The following GATAD2A variants were observed in gnomAD, a reference collection of about 807,000 sequenced individuals.
GATAD2A encodes the protein transcriptional repressor p66-alpha.
GATAD2A carries 12 observed loss-of-function variants against 68.5 expected under a neutral mutation model. That is an observed-to-expected ratio of 0.18 (90% CI 0.11 to 0.28). GATAD2A has a LOEUF of 0.28. Among genes scored for constraint, GATAD2A ranks in the 10% least tolerant of loss-of-function variants. GATAD2A has a pLI of 1.00. For synonymous variants in GATAD2A, 410 were observed against 375.3 expected, an observed-to-expected ratio of 1.09 and a Z score of -1.07; for missense variants, 755 against 868.5, an observed-to-expected ratio of 0.87 and a Z score of 1.64.
intron 2 of GATAD2A, 133 bp downstream of exon 2, chr19:19,465,747 C>T (rs112428605): frequency 0.011 from 11,500 of 1,050,436 alleles, 90 homozygotes; most frequent in Non-Finnish European, 0.011. Flanking sequence ...AGGCTCAGCT[C>T]GGGCATCACC....
At chr19:19,497,216 C>T (rs2060212540) in intron 7 of GATAD2A, among the ~76,000 whole-genome samples, 1 of 152,224 alleles carries the variant, frequency 6.6e-6, no homozygotes, top group African/African-American at 2.4e-5. Context: ...CTGCGTCAGC[C>T]TCCCAAGTAG....
At chr19:19,497,471 A>G (rs533896686) in intron 7 of GATAD2A, among the ~76,000 whole-genome samples, 3 of 152,158 alleles carry the variant, frequency 2.0e-5, no homozygotes, top group East Asian at 3.9e-4. Flanking sequence ...AGTGGCAGAG[A>G]AGGTGGTCTG....
intron 1 of GATAD2A, chr19:19,436,254 G>A (rs763401254): frequency 8.8e-7 from 1 of 1,131,856 alleles, no homozygotes; most frequent in Admixed American, 1.9e-5. Flanking sequence ...GTGGAAGGAA[G>A]GTTCCACGCA....
rs375719578 is a variant in GATAD2A at position 19,484,768 on chromosome 19, C to T, written c.270-7538C>T. The stretch of plus-strand genomic sequence containing the variant: ...CAGGATGGTCTCTATCTCGTGACCT[C>T]GTGATCCGCCCACCTCGGCCTCCCA... On this transcript the variant is annotated intron_variant, in intron 2 of 11. Coordinates refer to ENST00000683918, the MANE Select transcript of GATAD2A (RefSeq NM_001384528.1). Among the ~76,000 whole-genome samples, 10 of 152,154 alleles carry T rather than the reference C, an allele frequency of 6.6e-5. No homozygotes were observed. In the East Asian group the frequency reaches 7.7e-4, roughly 12 times the overall value.
intron 1 of GATAD2A, among the ~76,000 whole-genome samples, chr19:19,463,499 TGAGCAG>T (rs1034355111): frequency 6.7e-6 from 1 of 149,332 alleles, no homozygotes. Flanking sequence ...GAGGGGCAGC[TGAGCAG>T]GAGCGGGGGC....
At chr19:19,491,788 A>G (rs982028228) in intron 2 of GATAD2A, among the ~76,000 whole-genome samples, 1 of 152,154 alleles carries the variant, frequency 6.6e-6, no homozygotes, top group Non-Finnish European at 1.5e-5. Flanking sequence ...GGCCTGCCTG[A>G]GTGGAGAGAA....
upstream of GATAD2A, among the ~76,000 whole-genome samples, chr19:19,403,052 C>T (rs2049912428): frequency 6.6e-6 from 1 of 151,866 alleles, no homozygotes; most frequent in Non-Finnish European, 1.5e-5. Flanking sequence ...GGATTACAGA[C>T]GTGAGCCACT....
chr19:19,403,161 G>C (rs956660125), upstream of GATAD2A, among the ~76,000 whole-genome samples: 4 of 152,124 alleles, frequency 2.6e-5, no homozygotes, highest in African/African-American at 9.7e-5. Context: ...CTTAATTAGA[G>C]TTTCTTCAGC....
At chr19:19,462,417 C>G (rs1037005924) in intron 1 of GATAD2A, among the ~76,000 whole-genome samples, 1 of 152,230 alleles carries the variant, frequency 6.6e-6, no homozygotes, top group Non-Finnish European at 1.5e-5. Context: ...TCCAGCTGTG[C>G]CTGTCCTTCC....
chr19:19,506,124 G>A lies in GATAD2A; in HGVS notation c.*650G>A, dbSNP rs962743002. The A allele has an allele frequency of 2.3e-5, 9 of 398,876 alleles. No individual in the cohort carries two copies. The highest frequency in any genetic ancestry group is 1.3e-4 in the South Asian group (1 of 7,874). 24.7% of individuals were successfully genotyped at this position (398,876 alleles called of 1,614,324 possible). On this transcript the variant is annotated 3_prime_UTR_variant, in exon 12 of 12. Coordinates refer to ENST00000683918, the MANE Select transcript of GATAD2A (RefSeq NM_001384528.1). ...GCCACAGCCCCTGGCAGGGACGGCC[G>A]GCCCGCCCCCGTGACTGACTGACAG...
intron 1 of GATAD2A, among the ~76,000 whole-genome samples, chr19:19,455,726 G>A (rs997977296): frequency 2.0e-5 from 3 of 152,070 alleles, no homozygotes; most frequent in Admixed American, 6.5e-5. Flanking sequence ...TTGGCATCCC[G>A]GGAGTTCCTG....
At chr19:19,428,163 G>T (rs1204430160) in intron 1 of GATAD2A, among the ~76,000 whole-genome samples, 2 of 152,040 alleles carry the variant, frequency 1.3e-5, no homozygotes, top group African/African-American at 4.8e-5. Context: ...CTTTAATACT[G>T]CAATACATCA....
At chr19:19,477,980 A>G (rs2058789979) in intron 2 of GATAD2A, among the ~76,000 whole-genome samples, 1 of 152,248 alleles carries the variant, frequency 6.6e-6, no homozygotes, top group Admixed American at 6.5e-5. Context: ...ATAAGGCTGT[A>G]AGAACCTTAA....
At chr19:19,503,480 G>A (rs79370636) in intron 11 of GATAD2A, among the ~76,000 whole-genome samples, 23,967 of 152,260 alleles carry the variant, frequency 0.16, 1,999 homozygotes, top group Middle Eastern at 0.28. Flanking sequence ...GAGTGTGTTT[G>A]TCATCAAACC....
chr19:19,457,689 C>T (rs1044656517), intron 1 of GATAD2A, among the ~76,000 whole-genome samples: 5 of 150,924 alleles, frequency 3.3e-5, no homozygotes, highest in Non-Finnish European at 7.4e-5. Context: ...TGCAGTGAGC[C>T]GAGATCATGC....
At chr19:19,451,806 A>G (rs947814279) in intron 1 of GATAD2A, among the ~76,000 whole-genome samples, 8 of 152,170 alleles carry the variant, frequency 5.3e-5, no homozygotes, top group Admixed American at 2.6e-4. Context: ...CTTGAGAACT[A>G]CTGTTCTTTT....
intron 1 of GATAD2A, among the ~76,000 whole-genome samples, chr19:19,432,435 G>A (rs60455087): frequency 0.076 from 11,526 of 152,192 alleles, 1,497 homozygotes; most frequent in African/African-American, 0.26. Context: ...CCAAGTGGCT[G>A]GGATTACAGG....
chr19:19,480,622 C>G (rs2058990417), intron 2 of GATAD2A, among the ~76,000 whole-genome samples: 1 of 152,218 alleles, frequency 6.6e-6, no homozygotes, highest in African/African-American at 2.4e-5. Context: ...GACGTTTAAT[C>G]GCATTTCATG....
intron 1 of GATAD2A, among the ~76,000 whole-genome samples, chr19:19,442,552 G>A (rs1378283054): frequency 3.3e-5 from 5 of 152,094 alleles, no homozygotes; most frequent in African/African-American, 4.8e-5. Flanking sequence ...GCTTCAGCCT[G>A]GGAGGCGGAA....
Sources: gnomAD v4.1 joint callset for allele counts (sites outside exome capture counted in the v4.1 genomes callset) on GRCh38, gnomAD v4.1.1 for gene constraint, MANE v1.5 for transcripts, NCBI Gene and HGNC (gene_info 2026-07-23, HGNC 2026-07-21) for gene names.